KCTD5: variants seen among roughly 807,000 people sequenced by gnomAD.
KCTD5 encodes the protein potassium channel tetramerization domain containing 5.
KCTD5 carries 12 observed loss-of-function variants against 27.9 expected under a neutral mutation model. The observed-to-expected ratio is 0.43, with a 90% CI of 0.28 to 0.70. KCTD5 has a LOEUF of 0.70. Among genes scored for constraint, KCTD5 ranks in the 30% least tolerant of loss-of-function variants. The pLI, the probability that KCTD5 is intolerant of heterozygous loss-of-function variation, is 0.19. For missense variants in KCTD5, 226 were observed against 274.8 expected (o/e 0.82, Z 1.26); for synonymous variants, 147 against 121.4 (o/e 1.21, Z -1.39).
intron 1 of KCTD5, among the ~76,000 whole-genome samples, chr16:2,692,374 G>C (rs1468620123): frequency 6.6e-6 from 1 of 152,212 alleles, no homozygotes; most frequent in East Asian, 1.9e-4. Context: ...TGTGGGGGCA[G>C]CTCCTCTCTG....
chr16:2,693,673 G>A (rs1393806590), intron 1 of KCTD5, among the ~76,000 whole-genome samples: 1 of 152,234 alleles, frequency 6.6e-6, no homozygotes, highest in Non-Finnish European at 1.5e-5. Context: ...GTGTCTGGGG[G>A]CGCCCAGCAC....
chr16:2,682,851 G>A (rs773740114), intron 1 of KCTD5, 51 bp downstream of exon 1: 34 of 1,530,584 alleles, frequency 2.2e-5, no homozygotes, highest in African/African-American at 4.3e-5. Context: ...CCGGCCTGCG[G>A]CTCCTGCACA....
At chr16:2,707,218 CTCTGTTT>C in intron 5 of KCTD5, 73 bp from the exon 6 acceptor site, 2 of 1,401,916 alleles carry the variant, frequency 1.4e-6, no homozygotes, top group South Asian at 2.5e-5. Flanking sequence ...GGCCTGTGGG[CTCTGTTT>C]TCTGGAGCAG....
intron 5 of KCTD5, among the ~76,000 whole-genome samples, chr16:2,705,462 G>A (rs888187915): frequency 1.3e-5 from 2 of 152,138 alleles, no homozygotes; most frequent in Non-Finnish European, 2.9e-5. Context: ...AGCCCCTCCT[G>A]GGGGCTGGGC....
At chr16:2,705,101 G>A (rs550500246) in intron 5 of KCTD5, among the ~76,000 whole-genome samples, 1 of 152,316 alleles carries the variant, frequency 6.6e-6, no homozygotes, top group African/African-American at 2.4e-5. Flanking sequence ...CTGACAGCCT[G>A]TCTTCTCCCC....
At chr16:2,687,833 T>C (rs1373343105) in intron 1 of KCTD5, among the ~76,000 whole-genome samples, 2 of 152,082 alleles carry the variant, frequency 1.3e-5, no homozygotes, top group African/African-American at 2.4e-5. Flanking sequence ...GAGGGGTCCT[T>C]GTAGCAAAGG....
intron 5 of KCTD5, among the ~76,000 whole-genome samples, chr16:2,705,045 CG>C (rs1368635004): frequency 3.3e-5 from 5 of 152,190 alleles, no homozygotes; most frequent in African/African-American, 1.2e-4. Flanking sequence ...GGAAGGTCAC[CG>C]GGCGTGGGGG....
chr16:2,692,922 G>A (rs2142054423), intron 1 of KCTD5, among the ~76,000 whole-genome samples: 1 of 152,404 alleles, frequency 6.6e-6, no homozygotes, highest in Non-Finnish European at 1.5e-5. Context: ...GCCTGAGGCT[G>A]TGGTTTGGGC....
intron 1 of KCTD5, among the ~76,000 whole-genome samples, chr16:2,695,488 C>T (rs1361227737): frequency 8.0e-6 from 1 of 124,826 alleles, no homozygotes; most frequent in African/African-American, 3.1e-5. Flanking sequence ...ATGTAGGCTG[C>T]GGAGGACCCG....
intron 5 of KCTD5, among the ~76,000 whole-genome samples, chr16:2,706,413 T>TG (rs2067636146): frequency 6.6e-6 from 1 of 152,098 alleles, no homozygotes; most frequent in Non-Finnish European, 1.5e-5. Context: ...AGACAGCTGT[T>TG]GTGGGCCACG....
At position 2,705,839 on chromosome 16, in the gene KCTD5, G is replaced by C. The variant is rs1203588504; in HGVS notation, c.676-1459G>C. Among the ~76,000 whole-genome samples, 8 of 152,322 alleles carry C rather than the reference G, an allele frequency of 5.3e-5. No homozygotes were observed. In the East Asian group the frequency reaches 1.5e-3, roughly 29 times the overall value. On this transcript the variant is annotated intron_variant, in intron 5 of 5. Coordinates refer to ENST00000301738, the MANE Select transcript of KCTD5 (RefSeq NM_018992.4). ...GTAGCCCGTGCTGCTCCCGGCCTTG[G>C]GAGGGCGAAGGACAGCACTTTGGCT...
intron 3 of KCTD5, among the ~76,000 whole-genome samples, chr16:2,698,479 C>T (rs1387869578): frequency 6.6e-6 from 1 of 152,228 alleles, no homozygotes; most frequent in East Asian, 1.9e-4. Context: ...ACAGCTGGCA[C>T]GGCCCTTCTG....
At chr16:2,687,139 C>T (rs550101375) in intron 1 of KCTD5, among the ~76,000 whole-genome samples, 44 of 152,328 alleles carry the variant, frequency 2.9e-4, no homozygotes, top group African/African-American at 9.9e-4. Context: ...CCTGTGCTCA[C>T]CTCTTTATCA....
chr16:2,699,899 G>T lies in KCTD5; in HGVS notation c.532G>T (p.Gly178Cys). 1 of 1,613,860 alleles carries T rather than the reference G, an allele frequency of 6.2e-7. No individual in the cohort carries two copies. The change falls in exon 4 of 6, where the codon GGC becomes TGC. Residue 178 changes from glycine to cysteine, a missense_variant. Around this residue, in one of 2 missense-constraint regions of KCTD5, gnomAD observed 135 missense variants for 207.0 expected, o/e 0.65. Coordinates refer to ENST00000301738, the MANE Select transcript of KCTD5 (RefSeq NM_018992.4). ...GCAGATGGTGTCCACCATGTCCGAC[G>T]GCTGGAAGTTCGAGCAGGTGAGGGG... ...LTQMVSTMSD[G>C]WKFEQLVSIG...
chr16:2,690,432 G>T (rs1403437008), intron 1 of KCTD5, among the ~76,000 whole-genome samples: 1 of 152,244 alleles, frequency 6.6e-6, no homozygotes, highest in Non-Finnish European at 1.5e-5. Context: ...GCCAGCTTGG[G>T]CCCGGCCACA....
At position 2,697,978 on chromosome 16, in the gene KCTD5, G is replaced by A. The variant is rs745437145; in HGVS notation, c.434G>A (p.Arg145Gln). The change falls in exon 3 of 6, where the codon CGA (arginine) becomes CAA (glutamine). Residue 145 changes from arginine (R) to glutamine (Q), a missense_variant. Coordinates refer to ENST00000301738, the MANE Select transcript of KCTD5 (RefSeq NM_018992.4). ...IKLVKDKIRE[R>Q]DSKTSQVPVK... Reference sequence around the variant, plus strand: ...CTTGTAAAGGACAAAATTAGAGAACGAGACAGCAAAACATCGCAGGTGAGA... The same window carrying A: ...CTTGTAAAGGACAAAATTAGAGAACAAGACAGCAAAACATCGCAGGTGAGA... The A allele has an allele frequency of 3.1e-6, 5 of 1,611,278 alleles. No individual in the cohort carries two copies. The highest frequency in any genetic ancestry group is 1.7e-5 in the Admixed American group (1 of 59,996).
intron 1 of KCTD5, among the ~76,000 whole-genome samples, chr16:2,688,036 G>C (rs1010775376): frequency 1.3e-5 from 2 of 151,662 alleles, no homozygotes; most frequent in Non-Finnish European, 2.9e-5. Context: ...GGGTGATTTC[G>C]TGCCCCTGTG....
intron 1 of KCTD5, 122 bp downstream of exon 1, chr16:2,682,922 C>G: frequency 5.7e-6 from 7 of 1,228,024 alleles, no homozygotes; most frequent in Non-Finnish European, 7.5e-6. Flanking sequence ...GGGCTTCGAG[C>G]CCCGCGCTCC....
chr16:2,697,858 T>G, intron 2 of KCTD5, 48 bp from the exon 3 acceptor site: 1 of 1,345,514 alleles, frequency 7.4e-7, no homozygotes, highest in Non-Finnish European at 1.1e-6. Context: ...CGTGGATTCT[T>G]TGGTTTAGTT....
Sources: gnomAD v4.1 joint callset for allele counts (sites outside exome capture counted in the v4.1 genomes callset) on GRCh38, gnomAD v4.1.1 for gene constraint, gnomAD v4.1.1 regional missense constraint, MANE v1.5 for transcripts, NCBI Gene and HGNC (gene_info 2026-07-23, HGNC 2026-07-21) for gene names.